The following LRPPRC variants were observed in gnomAD, a reference collection of about 807,000 sequenced individuals.
LRPPRC encodes leucine-rich PPR motif-containing protein, mitochondrial.
A neutral mutation model predicts 180.3 loss-of-function variants in LRPPRC; 120 were observed. The ratio of observed to expected loss-of-function variants is 0.67; its 90% CI spans 0.57 to 0.77. The LOEUF (loss-of-function observed/expected upper bound fraction) is 0.77. Ranked by LOEUF, LRPPRC falls within the 30% of genes least tolerant of loss-of-function variation. The pLI is 0.00. For synonymous variants in LRPPRC, 723 were observed against 600.0 expected (o/e 1.21, Z -3.00); for missense variants, 2,012 against 1,657.2 (o/e 1.21, Z -3.72).
intron 25 of LRPPRC, among the ~76,000 whole-genome samples, chr2:43,927,322 A>G (rs1671914216): frequency 6.6e-6 from 1 of 152,238 alleles, no homozygotes; most frequent in African/African-American, 2.4e-5. Flanking sequence ...TAAATTAAGA[A>G]CTGAAGTGGA....
At chr2:43,920,083 A>C (rs1477473916) in intron 27 of LRPPRC, among the ~76,000 whole-genome samples, 3 of 150,610 alleles carry the variant, frequency 2.0e-5, no homozygotes, top group African/African-American at 7.3e-5. Flanking sequence ...GCAATTTAAA[A>C]AAAAAAAAAA....
intron 23 of LRPPRC, among the ~76,000 whole-genome samples, chr2:43,939,131 A>C (rs1398929214): frequency 6.6e-6 from 1 of 151,292 alleles, no homozygotes; most frequent in Non-Finnish European, 1.5e-5. Context: ...AAAAAAAAAA[A>C]AATAGCTGGC....
intron 16 of LRPPRC, among the ~76,000 whole-genome samples, 183 bp downstream of exon 16, chr2:43,949,419 A>C (rs1054621915): frequency 6.6e-6 from 1 of 152,218 alleles, no homozygotes; most frequent in African/African-American, 2.4e-5. Flanking sequence ...AGAAAAAATA[A>C]TTGTAACAAA....
intron 29 of LRPPRC, among the ~76,000 whole-genome samples, chr2:43,916,944 C>CG (rs201801339): frequency 4.1e-4 from 25 of 61,642 alleles, no homozygotes; most frequent in African/African-American, 6.9e-4. Flanking sequence ...GACCTGTCTC[C>CG]GGGGGGAAAA....
intron 27 of LRPPRC, among the ~76,000 whole-genome samples, chr2:43,918,811 A>G (rs1384276451): frequency 7.4e-6 from 1 of 134,756 alleles, no homozygotes; most frequent in African/African-American, 3.3e-5. Flanking sequence ...ATATATATAG[A>G]TATATATATA....
chr2:43,979,514 C>G (rs1057203673), intron 3 of LRPPRC, among the ~76,000 whole-genome samples: 1 of 152,134 alleles, frequency 6.6e-6, no homozygotes, highest in Non-Finnish European at 1.5e-5. Flanking sequence ...ATATCTGTAC[C>G]TAAATTCGAA....
chr2:43,983,771 T>A (rs1175421370), intron 1 of LRPPRC, among the ~76,000 whole-genome samples: 1 of 152,180 alleles, frequency 6.6e-6, no homozygotes, highest in Non-Finnish European at 1.5e-5. Context: ...ACAAATTGAA[T>A]GATCAAGTAT....
rs772179659 is a variant in LRPPRC at position 43,976,132 on chromosome 2, T to C, written c.737+11A>G. The stretch of plus-strand genomic sequence containing the variant: ...ATCACTTAAGAACCAAAACCTTAGG[T>C]TGAACATTACCCAGCTCTGGCATGC... On this transcript the variant is annotated intron_variant, in intron 6 of 37. Transcript: ENST00000260665. The C allele has an allele frequency of 2.6e-6, 4 of 1,567,510 alleles. No individual in the cohort carries two copies. The South Asian group carries it at 3.3e-5, about 13-fold the overall frequency.
At chr2:43,975,304 A>G (rs1239404290) in intron 6 of LRPPRC, 87 bp from the exon 7 acceptor site, 3 of 1,112,798 alleles carry the variant, frequency 2.7e-6, no homozygotes, top group Non-Finnish European at 4.0e-6. Flanking sequence ...TATTAAAATA[A>G]AAAATGCTAA....
rs1284656478 is a variant in LRPPRC, at chr2:43,926,414, CAG to C, written c.2737-455_2737-454del. Among the ~76,000 whole-genome samples the C allele has an allele frequency of 3.3e-5, 5 of 152,058 alleles. No individual in the cohort carries two copies. In the East Asian group the frequency reaches 7.7e-4, roughly 23 times the overall value. On this transcript the variant is annotated intron_variant, in intron 25 of 37. Transcript: ENST00000260665. Reference sequence around the variant, plus strand: ...TATTTTTAATTTATTTTTTTTTAGACAGAGTCTCAATGGCATGATCTTGGCTC... The same window carrying C: ...TATTTTTAATTTATTTTTTTTTAGACAGTCTCAATGGCATGATCTTGGCTC...
intron 2 of LRPPRC, among the ~76,000 whole-genome samples, chr2:43,980,491 T>TGCGGTGA (rs1674253323): frequency 6.9e-6 from 1 of 145,046 alleles, no homozygotes; most frequent in South Asian, 2.1e-4. Context: ...AGGTGGAGGC[T>TGCGGTGA]GCGGTGAGCC....
In LRPPRC at chr2:43,975,158, C is replaced by G; in HGVS notation, c.797G>C (p.Gly266Ala). 6.2e-7 allele frequency: 1 copy of G among 1,613,452 alleles called. No homozygotes were observed. The highest frequency in any genetic ancestry group is 8.5e-7 in the Non-Finnish European group (1 of 1,179,642). Residue 266 changes from glycine to alanine, a missense_variant, in exon 7 of 38, where the codon GGT becomes GCT. Gly to Ala is a moderately conservative substitution (Grantham distance 60, BLOSUM62 0). Transcript: ENST00000260665. ...TVMRDAGIEP[G>A]PDTYLALLNA... ...CAATAATGCGAGGTATGTGTCTGGA[C>G]CAGGCTCAATTCCGGCATCTCTCAT...
rs1204524189 is a variant in LRPPRC, at chr2:43,918,469, T to G, written c.2897-71A>C. ...CAGAATACACAAAAATATTTAGAACTTTTTCTTATTTGATGTTGAAGAAAG... is the reference window on the plus strand; with the variant it reads ...CAGAATACACAAAAATATTTAGAACGTTTTCTTATTTGATGTTGAAGAAAG... On this transcript the variant is annotated intron_variant, in intron 27 of 37. Transcript: ENST00000260665. 4 of 1,130,730 alleles carry G rather than the reference T, an allele frequency of 3.5e-6. No individual in the cohort carries two copies. The Admixed American group carries it at 7.2e-5, about 20-fold the overall frequency. The allele number at this position is 1,130,730 out of a possible 1,614,324, so 70.0% of individuals were successfully genotyped here. A position where few individuals can be genotyped will look rare whatever the true frequency, so the allele number is the denominator to read the frequency against.
chr2:43,911,632 T>C (rs750213401), intron 30 of LRPPRC, among the ~76,000 whole-genome samples: 3 of 149,412 alleles, frequency 2.0e-5, no homozygotes, highest in Non-Finnish European at 3.0e-5. Flanking sequence ...GTTCAAGTGA[T>C]ACTCCTGCCT....
intron 11 of LRPPRC, among the ~76,000 whole-genome samples, chr2:43,972,120 T>C (rs1399659761): frequency 6.6e-6 from 1 of 152,190 alleles, no homozygotes; most frequent in Non-Finnish European, 1.5e-5. Context: ...TAAAAAAGGA[T>C]ATTTTAAAAG....
At chr2:43,982,620 C>T (rs1559057254) in intron 1 of LRPPRC, among the ~76,000 whole-genome samples, 186 bp from the exon 2 acceptor site, 1 of 152,156 alleles carries the variant, frequency 6.6e-6, no homozygotes, top group Non-Finnish European at 1.5e-5. Context: ...ATCATATACA[C>T]ACATACATAA....
chr2:43,942,695 T>A (rs1472756261), intron 23 of LRPPRC, among the ~76,000 whole-genome samples: 1 of 152,178 alleles, frequency 6.6e-6, no homozygotes, highest in African/African-American at 2.4e-5. Context: ...GGGGAAAACA[T>A]GAGAACCGTT....
At chr2:43,899,148 T>C in intron 34 of LRPPRC, 71 bp downstream of exon 34, 1 of 995,642 alleles carries the variant, frequency 1.0e-6, no homozygotes, top group East Asian at 2.4e-5. Context: ...CACACGCCTA[T>C]GTCTAGTAAT....
At chr2:43,934,065 T>C (rs780385289) in intron 25 of LRPPRC, 125 bp downstream of exon 25, 5 of 665,940 alleles carry the variant, frequency 7.5e-6, no homozygotes, top group Non-Finnish European at 1.4e-5. Context: ...TCCCCCAACA[T>C]TACTGGGATT....
Sources: allele counts gnomAD v4.1 joint callset (sites outside exome capture counted in the v4.1 genomes callset), GRCh38; gene constraint gnomAD v4.1.1; transcripts MANE v1.5; gene names NCBI Gene and HGNC (gene_info 2026-07-23, HGNC 2026-07-21).